The following GOLGA6L9 variants were observed in gnomAD, a reference collection of about 807,000 sequenced individuals.
GOLGA6L9 encodes the protein golgin A6 family like 9, also known as golgin subfamily A member 6-like protein 9.
GOLGA6L9 carries 19 observed loss-of-function variants against 51.3 expected under a neutral mutation model. The ratio of observed to expected loss-of-function variants is 0.37; its 90% confidence interval spans 0.26 to 0.54. The LOEUF is 0.54. Ranked by LOEUF, GOLGA6L9 falls within the 20% of genes least tolerant of loss-of-function variation. The probability of loss-of-function intolerance (pLI) is 0.83; values close to 1 mark genes in which losing one functional copy is unlikely to be tolerated. For missense variants in GOLGA6L9, 247 were observed against 464.1 expected (o/e 0.53, Z 4.30); for synonymous variants, 97 against 184.2 (o/e 0.53, Z 3.83).
upstream of GOLGA6L9, among the ~76,000 whole-genome samples, chr15:82,425,984 G>C (rs1441412366): frequency 2.2e-5 from 3 of 137,450 alleles, no homozygotes; most frequent in Non-Finnish European, 4.7e-5. Flanking sequence ...TACTTTTATA[G>C]GTAGTTATAT....
chr15:82,432,858 C>G lies in GOLGA6L9; in HGVS notation c.306C>G (p.Ser102=). The part of the protein sequence containing the change: ...QELAVALDSS[S]AIISQLTENI... ...TAGCAGTAGCCCTGGATTCAAGCTC[C>G]GCAATAATCAGTCAACTCACTGAAA... The change falls in exon 4 of 9, where the codon TCC becomes TCG. Residue 102 remains serine, a synonymous_variant. Transcript: ENST00000618348. 6.2e-7 allele frequency: 1 copy of G among 1,612,412 alleles called. No homozygotes were observed.
At position 82,438,351 on chromosome 15, in the gene GOLGA6L9, T is replaced by C. The variant is rs971160690; in HGVS notation, c.*1940T>C. On this transcript the variant is annotated 3_prime_UTR_variant, in exon 9 of 9. Coordinates refer to ENST00000618348, the MANE Select transcript of GOLGA6L9 (RefSeq NM_198181.4). ...GTCAGTCTGAAAAATAAATGTACTA[T>C]ATTAACTCAAATACCACTCTCTGTG... is the stretch of plus-strand genomic sequence containing the variant. 1.1e-4 allele frequency: 17 copies of C among 151,324 alleles called. 1 individual carries two copies. The highest frequency in any genetic ancestry group is 3.6e-4 in the African/African-American group (15 of 41,300). 9.4% of individuals were successfully genotyped at this position (151,324 alleles called of 1,614,324 possible).
At chr15:82,419,837 G>A in the GOLGA6L9 span, 34 of 164,194 alleles carry the variant, frequency 2.1e-4, no homozygotes, top group South Asian at 1.8e-4. Context: ...TTCTGGAAAC[G>A]TTCCAATTTT....
At position 82,436,540 on chromosome 15, in the gene GOLGA6L9, T is replaced by A; in HGVS notation, c.*129T>A. The A allele has an allele frequency of 1.6e-6, 2 of 1,261,954 alleles. No individual in the cohort carries two copies. Among genetic ancestry groups the A allele is most frequent in the African/African-American group, 1.5e-5 (1 of 66,124 alleles). 78.2% of individuals were successfully genotyped at this position (1,261,954 alleles called of 1,614,324 possible). A position where few individuals can be genotyped will look rare whatever the true frequency, so the allele number is the denominator to read the frequency against. On this transcript the variant is annotated 3_prime_UTR_variant, in exon 9 of 9. Transcript: ENST00000618348. ...TTTCTAATTTATAGTTTAAATTTATTTGTGTTTCTAATTTATAGTTTAAAT... is the reference window on the plus strand; with the variant it reads ...TTTCTAATTTATAGTTTAAATTTATATGTGTTTCTAATTTATAGTTTAAAT...
At chr15:82,416,009 A>G in the GOLGA6L9 span, 1 of 152,194 alleles carries the variant, frequency 6.6e-6, no homozygotes, top group Non-Finnish European at 1.5e-5. Context: ...AAAAAGAAAA[A>G]GAAAAGCTAA....
rs1355318923 is a variant in GOLGA6L9, at chr15:82,432,542, C to T, written c.205-30C>T. 6.5e-5 allele frequency: 104 copies of T among 1,599,078 alleles called. 1 individual carries two copies. The highest frequency in any genetic ancestry group is 8.1e-5 in the Non-Finnish European group (96 of 1,179,056). On this transcript the variant is annotated intron_variant, in intron 2 of 8. Transcript: ENST00000618348. ...GCTTAGACAGTGAGGGGGGACAGAACATCTCCATGTGCACTCTCATCTCTT... is the reference window on the plus strand; with the variant it reads ...GCTTAGACAGTGAGGGGGGACAGAATATCTCCATGTGCACTCTCATCTCTT...
In GOLGA6L9 at chr15:82,437,990, C is replaced by T. The variant is rs2031767348; in HGVS notation, c.*1579C>T. 1 of 150,936 alleles carries T rather than the reference C, an allele frequency of 6.6e-6. No homozygotes were observed. Among genetic ancestry groups the T allele is most frequent in the South Asian group, 2.1e-4 (1 of 4,798 alleles). 9.3% of individuals were successfully genotyped at this position (150,936 alleles called of 1,614,324 possible). On this transcript the variant is annotated 3_prime_UTR_variant, in exon 9 of 9. Transcript: ENST00000618348. ...AATGGACTAAAGGTCCTGTTCTTGCCTTGTCTGAACTTGCCGCTTTTGCAT... is the reference window on the plus strand; with the variant it reads ...AATGGACTAAAGGTCCTGTTCTTGCTTTGTCTGAACTTGCCGCTTTTGCAT...
chr15:82,436,489 G>A lies in GOLGA6L9; in HGVS notation c.*78G>A. On this transcript the variant is annotated 3_prime_UTR_variant, in exon 9 of 9. Transcript: ENST00000618348. ...CCTACACAATTCATTTACTTCATTT[G>A]AATGTTAGAGCCACTTATGTTTGTG... 3 of 1,529,122 alleles carry A rather than the reference G, an allele frequency of 2.0e-6. No homozygotes were observed. Among genetic ancestry groups the A allele is most frequent in the Non-Finnish European group, 2.6e-6 (3 of 1,135,182 alleles). The allele number at this position is 1,529,122 out of a possible 1,614,324, so 94.7% of individuals were successfully genotyped here. A position where few individuals can be genotyped will look rare whatever the true frequency, so the allele number is the denominator to read the frequency against.
rs1230039010 is a variant in GOLGA6L9 at position 82,429,840 on chromosome 15, G to A, written c.-240G>A. Among the ~76,000 whole-genome samples, 8,925 of 152,178 alleles carry A rather than the reference G, an allele frequency of 0.059. 350 individuals are homozygous for A. The highest frequency in any genetic ancestry group is 0.089 in the Non-Finnish European group (6,065 of 68,010). On this transcript the variant is annotated 5_prime_UTR_variant, in exon 1 of 9. Transcript: ENST00000618348. Reference sequence around the variant, plus strand: ...GCCTCTCCCCTCTCTCTGAGTGGGCGGGGACAGCGGTTGCATGGGCAGCTT... The same window carrying A: ...GCCTCTCCCCTCTCTCTGAGTGGGCAGGGACAGCGGTTGCATGGGCAGCTT...
chr15:82,436,374 C>T lies in GOLGA6L9; in HGVS notation c.1262C>T (p.Ala421Val). 1.9e-6 allele frequency: 3 copies of T among 1,596,732 alleles called. 1 individual carries two copies. The highest frequency in any genetic ancestry group is 1.7e-5 in the Admixed American group (1 of 59,820). Residue 421 changes from alanine to valine, a missense_variant, in exon 9 of 9, where the codon GCT (alanine) becomes GTT (valine). Coordinates refer to ENST00000618348, the MANE Select transcript of GOLGA6L9 (RefSeq NM_198181.4). The part of the protein sequence containing the change: ...AGEAACHSFR[A>V]AENRELNITI... ...GAGGCTGCATGCCATTCTTTTCGGGCTGCCGAGAACAGGGAGCTAAACATC... is the reference window on the plus strand; with the variant it reads ...GAGGCTGCATGCCATTCTTTTCGGGTTGCCGAGAACAGGGAGCTAAACATC...
chr15:82,429,787 C>A (rs1264128337), upstream of GOLGA6L9, among the ~76,000 whole-genome samples: 1 of 152,134 alleles, frequency 6.6e-6, no homozygotes, highest in East Asian at 1.9e-4. Flanking sequence ...AAGCAAAAGC[C>A]AGCCCCTCCC....
the GOLGA6L9 span, among the ~76,000 whole-genome samples, chr15:82,418,012 T>A: frequency 6.6e-6 from 1 of 152,252 alleles, no homozygotes; most frequent in Non-Finnish European, 1.5e-5. Context: ...TCTTTTAGAT[T>A]TTCTTTTCCT....
chr15:82,422,082 TCAGTATGTTACA>T, the GOLGA6L9 span, among the ~76,000 whole-genome samples: 1 of 146,348 alleles, frequency 6.8e-6, no homozygotes, highest in Non-Finnish European at 1.5e-5. Flanking sequence ...CAAAAGTGAG[TCAGTATGTTACA>T]CAGAGAGACA....
In GOLGA6L9 at chr15:82,438,104, T is replaced by G. The variant is rs1165476032; in HGVS notation, c.*1693T>G. On this transcript the variant is annotated 3_prime_UTR_variant, in exon 9 of 9. Coordinates refer to ENST00000618348, the MANE Select transcript of GOLGA6L9 (RefSeq NM_198181.4). Reference sequence around the variant, plus strand: ...TACCACTGTTAATTAGCCACATTATTTGGTCTAACAGTTTATCATTCTGAA... The same window carrying G: ...TACCACTGTTAATTAGCCACATTATGTGGTCTAACAGTTTATCATTCTGAA... 1 of 140,254 alleles carries G rather than the reference T, an allele frequency of 7.1e-6. No individual in the cohort carries two copies. The highest frequency in any genetic ancestry group is 1.6e-5 in the Non-Finnish European group (1 of 62,282). The allele number at this position is 140,254 out of a possible 1,614,324, so 8.7% of individuals were successfully genotyped here.
At position 82,434,276 on chromosome 15, in the gene GOLGA6L9, G is replaced by A. The variant is rs1567131536; in HGVS notation, c.676G>A (p.Glu226Lys). The change falls in exon 6 of 9, where the codon GAG (glutamate) becomes AAG (lysine). Residue 226 changes from glutamate (E) to lysine (K), a missense_variant. This residue lies in a region of GOLGA6L9 where 66 missense variants were observed against 66.2 expected (regional missense o/e 1.00). Transcript: ENST00000618348. Reference sequence around the variant, plus strand: ...ACAGGAGGAGAGGCTGTGTGAACAGGAGGAGAGGCTACGTGAACAGGAGGA... The same window carrying A: ...ACAGGAGGAGAGGCTGTGTGAACAGAAGGAGAGGCTACGTGAACAGGAGGA... ...CEQEERLCEQ[E>K]ERLREQEERL... The A allele has an allele frequency of 3.9e-6, 6 of 1,553,518 alleles. No individual in the cohort carries two copies. Among genetic ancestry groups the A allele is most frequent in the Non-Finnish European group, 5.2e-6 (6 of 1,156,384 alleles).
chr15:82,427,295 C>T, upstream of GOLGA6L9, among the ~76,000 whole-genome samples: 1 of 126,322 alleles, frequency 7.9e-6, no homozygotes, highest in African/African-American at 3.6e-5. Flanking sequence ...TTTCTTTTCC[C>T]TCCCTCCCTC....
Position 82,434,315 on chromosome 15 carries a change from C to G in GOLGA6L9, c.715C>G (p.Gln239Glu), listed in dbSNP as rs1198021336. Reference protein sequence around the residue: ...LREQEERLCEQEKLPGQERLL... With the variant: ...LREQEERLCEEEKLPGQERLL... ...TGAACAGGAGGAGAGGCTGTGTGAA[C>G]AGGAGAAGCTGCCAGGGCAGGAGAG... The change falls in exon 6 of 9, where the codon CAG becomes GAG. Residue 239 changes from glutamine (Q) to glutamate (E), a missense_variant. Physicochemically the swap from Gln to Glu is conservative, Grantham distance 29. Transcript: ENST00000618348. The G allele has an allele frequency of 2.0e-3, 3,073 of 1,544,372 alleles. 26 individuals carry two copies. In the African/African-American group the frequency reaches 0.034, roughly 17 times the overall value.
In GOLGA6L9 at chr15:82,437,822, T is replaced by G. The variant is rs1415148677; in HGVS notation, c.*1411T>G. The G allele has an allele frequency of 3.3e-5, 5 of 151,360 alleles. No individual in the cohort carries two copies. In the Middle Eastern group the frequency reaches 0.01, roughly 309 times the overall value. 9.4% of individuals were successfully genotyped at this position (151,360 alleles called of 1,614,324 possible). On this transcript the variant is annotated 3_prime_UTR_variant, in exon 9 of 9. Coordinates refer to ENST00000618348, the MANE Select transcript of GOLGA6L9 (RefSeq NM_198181.4). ...AAACTGCAGCACAATCTACTGTTCG[T>G]GAATGTCAAAGTGTCATGAGGAAAG... is the stretch of plus-strand genomic sequence containing the variant.
Position 82,437,853 on chromosome 15 carries a change from A to G in GOLGA6L9, c.*1442A>G, listed in dbSNP as rs1293629098. Reference sequence around the variant, plus strand: ...TCAAAGTGTCATGAGGAAAGTGTCTATACAATCACAGAGTTATATTTCCTC... The same window carrying G: ...TCAAAGTGTCATGAGGAAAGTGTCTGTACAATCACAGAGTTATATTTCCTC... On this transcript the variant is annotated 3_prime_UTR_variant, in exon 9 of 9. Coordinates refer to ENST00000618348, the MANE Select transcript of GOLGA6L9 (RefSeq NM_198181.4). 1.2e-4 allele frequency: 18 copies of G among 151,432 alleles called. No individual in the cohort carries two copies. Among genetic ancestry groups the G allele is most frequent in the African/African-American group, 4.1e-4 (17 of 41,106 alleles). The allele number at this position is 151,432 out of a possible 1,614,324, so 9.4% of individuals were successfully genotyped here. A position where few individuals can be genotyped will look rare whatever the true frequency, so the allele number is the denominator to read the frequency against.
Sources: gnomAD v4.1 joint callset for allele counts (sites outside exome capture counted in the v4.1 genomes callset) on GRCh38, gnomAD v4.1.1 for gene constraint, gnomAD v4.1.1 regional missense constraint, MANE v1.5 for transcripts, NCBI Gene and HGNC (gene_info 2026-07-23, HGNC 2026-07-21) for gene names.